The following CDH12 variants were observed in gnomAD, a reference collection of about 807,000 sequenced individuals.
CDH12 encodes the protein cadherin-12.
CDH12 carries 41 observed loss-of-function variants against 74.1 expected under a neutral mutation model. The ratio of observed to expected loss-of-function variants is 0.55; its 90% confidence interval spans 0.43 to 0.72. The LOEUF (loss-of-function observed/expected upper bound fraction) is 0.72. CDH12 is among the 30% of genes least tolerant of loss of function. The pLI, the probability that CDH12 is intolerant of heterozygous loss-of-function variation, is 0.00. For missense variants in CDH12, 945 were observed against 977.2 expected (o/e 0.97, Z 0.44); for synonymous variants, 399 against 355.0 (o/e 1.12, Z -1.39).
intron 4 of CDH12, among the ~76,000 whole-genome samples, chr5:22,117,487 TATTA>T (rs1300583666): frequency 2.1e-5 from 1 of 47,806 alleles, no homozygotes; most frequent in African/African-American, 8.3e-5. Context: ...ATTATATATA[TATTA>T]TATATATATA....
intron 5 of CDH12, among the ~76,000 whole-genome samples, chr5:21,998,648 A>G (rs191042893): frequency 2.2e-3 from 341 of 152,262 alleles, no homozygotes; most frequent in Non-Finnish European, 3.6e-3. Context: ...TTAGATCTTT[A>G]TAAAATATTT....
intron 1 of CDH12, among the ~76,000 whole-genome samples, chr5:22,527,879 C>T (rs1488589843): frequency 2.0e-5 from 3 of 152,152 alleles, no homozygotes; most frequent in African/African-American, 7.2e-5. Flanking sequence ...ACTCCCTGAA[C>T]TGCAACACTA....
intron 1 of CDH12, among the ~76,000 whole-genome samples, chr5:22,633,327 T>A (rs10069692): frequency 0.15 from 22,454 of 152,166 alleles, 2,163 homozygotes; most frequent in Admixed American, 0.33. Flanking sequence ...AAAGTGAATA[T>A]AAAAGTGCAA....
intron 3 of CDH12, among the ~76,000 whole-genome samples, chr5:22,316,461 T>G (rs879823343): frequency 6.6e-6 from 1 of 152,192 alleles, no homozygotes; most frequent in Admixed American, 6.5e-5. Flanking sequence ...TTATTTTATT[T>G]TGTTCCCTTA....
chr5:21,846,622 C>T (rs1431318381), intron 7 of CDH12, among the ~76,000 whole-genome samples: 1 of 152,014 alleles, frequency 6.6e-6, no homozygotes, highest in Non-Finnish European at 1.5e-5. Flanking sequence ...ATTTTATTCT[C>T]ATTTTTTTCT....
intron 2 of CDH12, among the ~76,000 whole-genome samples, chr5:22,458,890 G>A (rs981000445): frequency 2.6e-5 from 4 of 152,066 alleles, no homozygotes; most frequent in African/African-American, 9.6e-5. Context: ...ATACTGGTTT[G>A]GGGTTTTGTT....
intron 3 of CDH12, among the ~76,000 whole-genome samples, chr5:22,223,516 C>T (rs1047580036): frequency 6.6e-6 from 1 of 151,984 alleles, no homozygotes; most frequent in Non-Finnish European, 1.5e-5. Context: ...ATGATGGGAA[C>T]ATTCAGTAAA....
At chr5:21,973,390 C>G (rs531592175) in intron 6 of CDH12, among the ~76,000 whole-genome samples, 1 of 152,154 alleles carries the variant, frequency 6.6e-6, no homozygotes, top group Non-Finnish European at 1.5e-5. Context: ...TATCCCACTC[C>G]AACTGCAAAA....
At position 22,642,206 on chromosome 5, in the gene CDH12, T is replaced by C. The variant is rs924560665; in HGVS notation, c.-522-136842A>G. Among the ~76,000 whole-genome samples, 7 of 152,218 alleles carry C rather than the reference T, an allele frequency of 4.6e-5. No homozygotes were observed. The South Asian group carries it at 6.2e-4, about 13-fold the overall frequency. Reference sequence around the variant, plus strand: ...TTCCCCTCATTCATAACTAAAATAATATATGAAAATTATGTAAGTTAACAT... The same window carrying C: ...TTCCCCTCATTCATAACTAAAATAACATATGAAAATTATGTAAGTTAACAT... On this transcript the variant is annotated intron_variant, in intron 1 of 14. Transcript: ENST00000382254.
At chr5:22,147,268 T>C (rs1388039339) in intron 4 of CDH12, among the ~76,000 whole-genome samples, 2 of 152,182 alleles carry the variant, frequency 1.3e-5, no homozygotes, top group Non-Finnish European at 1.5e-5. Context: ...AGGATCACAT[T>C]GGGCATTTGT....
intron 5 of CDH12, among the ~76,000 whole-genome samples, chr5:22,028,190 A>G (rs1738521197): frequency 6.6e-6 from 1 of 152,096 alleles, no homozygotes; most frequent in Non-Finnish European, 1.5e-5. Flanking sequence ...ATTCCCTTTG[A>G]GAAATGACAC....
intron 5 of CDH12, among the ~76,000 whole-genome samples, chr5:21,984,739 A>G (rs1435776629): frequency 1.3e-5 from 2 of 152,222 alleles, no homozygotes; most frequent in Non-Finnish European, 2.9e-5. Context: ...CATATTAAGT[A>G]AAACTTGCAA....
chr5:22,504,451 T>C (rs1736296728), intron 2 of CDH12, among the ~76,000 whole-genome samples: 1 of 152,080 alleles, frequency 6.6e-6, no homozygotes, highest in East Asian at 1.9e-4. Flanking sequence ...GGAAGATTCA[T>C]AAAGCCACAT....
chr5:22,785,704 G>T (rs1747588383), intron 1 of CDH12, among the ~76,000 whole-genome samples: 1 of 152,042 alleles, frequency 6.6e-6, no homozygotes, highest in Non-Finnish European at 1.5e-5. Context: ...CTTTTGTAGA[G>T]ATGGGGTTTC....
intron 1 of CDH12, among the ~76,000 whole-genome samples, chr5:22,821,930 C>A (rs1156707185): frequency 6.6e-6 from 1 of 151,832 alleles, no homozygotes. Flanking sequence ...CCAAGTCAAT[C>A]CTAAGCCAAA....
intron 7 of CDH12, among the ~76,000 whole-genome samples, chr5:21,849,503 C>A (rs1750352302): frequency 6.6e-6 from 1 of 151,662 alleles, no homozygotes; most frequent in Non-Finnish European, 1.5e-5. Flanking sequence ...TTATTTATTT[C>A]CTTGACACAG....
intron 4 of CDH12, among the ~76,000 whole-genome samples, chr5:22,091,185 G>C (rs1028442916): frequency 1.4e-4 from 17 of 125,146 alleles, no homozygotes; most frequent in African/African-American, 6.4e-4. Flanking sequence ...ATCCTAAAGT[G>C]TGTGTGTGTG....
chr5:22,339,125 A>G (rs1739731159), intron 3 of CDH12, among the ~76,000 whole-genome samples: 1 of 152,198 alleles, frequency 6.6e-6, no homozygotes, highest in Non-Finnish European at 1.5e-5. Flanking sequence ...TGAAAATGGG[A>G]CATGACAAAT....
chr5:22,221,154 T>C (rs1265422086), intron 3 of CDH12, among the ~76,000 whole-genome samples: 3 of 151,998 alleles, frequency 2.0e-5, no homozygotes, highest in Non-Finnish European at 4.4e-5. Flanking sequence ...CGCTGGGCTT[T>C]GTAGTAGAAA....
Sources: allele counts gnomAD v4.1 joint callset (sites outside exome capture counted in the v4.1 genomes callset), GRCh38; gene constraint gnomAD v4.1.1; transcripts MANE v1.5; gene names NCBI Gene and HGNC (gene_info 2026-07-23, HGNC 2026-07-21).